Variants in CELF4 observed in about 807,000 individuals in gnomAD.
The protein encoded by CELF4 is CUG-BP- and ETR-3-like factor 4.
CELF4 carries 18 observed loss-of-function variants against 59.9 expected under a neutral mutation model. The ratio of observed to expected loss-of-function variants is 0.30; its 90% CI spans 0.21 to 0.45. The LOEUF (loss-of-function observed/expected upper bound fraction) is 0.45, where lower values mean the gene tolerates loss of function less well. CELF4 is among the 20% of genes least tolerant of loss of function. The probability of loss-of-function intolerance (pLI) is 1.00; values close to 1 mark genes in which losing one functional copy is unlikely to be tolerated. For missense variants in CELF4, 456 were observed against 689.0 expected (o/e 0.66, Z 3.79); for synonymous variants, 261 against 267.1 (o/e 0.98, Z 0.22).
intron 2 of CELF4, among the ~76,000 whole-genome samples, chr18:37,433,089 G>A (rs1430013658): frequency 6.6e-6 from 1 of 152,216 alleles, no homozygotes; most frequent in Non-Finnish European, 1.5e-5. Context: ...GTGAGGGAAA[G>A]TGTGGCTAGG....
At chr18:37,470,891 A>ATGTGTGTGTGT (rs1491153845) in intron 2 of CELF4, among the ~76,000 whole-genome samples, 12 of 25,970 alleles carry the variant, frequency 4.6e-4, no homozygotes, top group African/African-American at 1.3e-3. Flanking sequence ...TGTGTGTGAC[A>ATGTGTGTGTGT]GAGAGAGAGA....
intron 1 of CELF4, among the ~76,000 whole-genome samples, chr18:37,531,694 G>T (rs927277562): frequency 6.6e-6 from 1 of 152,190 alleles, no homozygotes. Flanking sequence ...GGGAATGGAG[G>T]ATTTCCATCA....
chr18:37,308,749 G>C (rs564715663), intron 3 of CELF4, among the ~76,000 whole-genome samples: 1 of 139,260 alleles, frequency 7.2e-6, no homozygotes, highest in South Asian at 2.6e-4. Context: ...TGTCTAGGAC[G>C]TTGGGATCAT....
intron 2 of CELF4, among the ~76,000 whole-genome samples, chr18:37,335,180 C>T (rs550062558): frequency 9.9e-5 from 15 of 152,194 alleles, no homozygotes; most frequent in African/African-American, 3.4e-4. Flanking sequence ...AGCCGCGCAC[C>T]GCCATCAATT....
In CELF4 at chr18:37,284,505, G is replaced by C. The variant is rs535704868; in HGVS notation, c.449-9262C>G. On this transcript the variant is annotated intron_variant, in intron 3 of 12. Transcript: ENST00000420428. ...TGGCTCCCTCTGGTTCCTCATCCACGGCACCCATGGCTGCTCCTGTGGCCC... is the reference window on the plus strand; with the variant it reads ...TGGCTCCCTCTGGTTCCTCATCCACCGCACCCATGGCTGCTCCTGTGGCCC... Among the ~76,000 whole-genome samples, 5 of 151,756 alleles carry C rather than the reference G, an allele frequency of 3.3e-5. No homozygotes were observed. In the South Asian group the frequency reaches 1.0e-3, roughly 32 times the overall value.
At chr18:37,365,386 C>A (rs764570600) in intron 2 of CELF4, among the ~76,000 whole-genome samples, 20 of 151,760 alleles carry the variant, frequency 1.3e-4, no homozygotes, top group South Asian at 4.2e-4. Context: ...TCGCCCACCC[C>A]CTGTGAATTG....
intron 3 of CELF4, among the ~76,000 whole-genome samples, chr18:37,282,092 G>A (rs933542491): frequency 6.6e-6 from 1 of 152,188 alleles, no homozygotes; most frequent in Admixed American, 6.5e-5. Context: ...AATTAAATGA[G>A]GTTTTTAGCA....
intron 12 of CELF4, among the ~76,000 whole-genome samples, chr18:37,249,985 T>C (rs1217564256): frequency 6.6e-6 from 1 of 152,114 alleles, no homozygotes; most frequent in African/African-American, 2.4e-5. Context: ...CAGGACAAGA[T>C]GCTTGGTGCA....
chr18:37,413,569 C>T (rs1306174103), intron 2 of CELF4, among the ~76,000 whole-genome samples: 1 of 152,212 alleles, frequency 6.6e-6, no homozygotes, highest in Non-Finnish European at 1.5e-5. Flanking sequence ...GCCTGTTCTA[C>T]AGTTCCTCTT....
At position 37,319,324 on chromosome 18, in the gene CELF4, G is replaced by A. The variant is rs141349496; in HGVS notation, c.448+2479C>T. On this transcript the variant is annotated intron_variant, in intron 3 of 12. Transcript: ENST00000420428. ...GGCTTCGCTCACGTGGGCCCCTCAC[G>A]CCTGAAGCATCTCTAACCCTCAACC... Among the ~76,000 whole-genome samples, 5 of 152,336 alleles carry A rather than the reference G, an allele frequency of 3.3e-5. No individual in the cohort carries two copies. The East Asian group carries it at 7.7e-4, about 24-fold the overall frequency.
chr18:37,333,041 G>A (rs568970471), intron 2 of CELF4, among the ~76,000 whole-genome samples: 3 of 152,224 alleles, frequency 2.0e-5, no homozygotes, highest in Non-Finnish European at 2.9e-5. Flanking sequence ...TCTTCAGGGT[G>A]GGGGAGTGAG....
intron 3 of CELF4, among the ~76,000 whole-genome samples, chr18:37,303,643 G>A (rs2154465314): frequency 6.6e-6 from 1 of 152,260 alleles, no homozygotes; most frequent in South Asian, 2.1e-4. Flanking sequence ...GCCACGTCTT[G>A]GTCACTGCTG....
chr18:37,304,504 G>A (rs1391106036), intron 3 of CELF4, among the ~76,000 whole-genome samples: 1 of 152,244 alleles, frequency 6.6e-6, no homozygotes, highest in Non-Finnish European at 1.5e-5. Context: ...TGCAGGAGGT[G>A]TGTGGGGCAT....
chr18:37,259,313 G>T, intron 10 of CELF4, 49 bp from the exon 11 acceptor site: 1 of 775,906 alleles, frequency 1.3e-6, no homozygotes, highest in Non-Finnish European at 2.0e-6. Flanking sequence ...GGCAGGGTGG[G>T]GGAAGAGAGA....
intron 1 of CELF4, among the ~76,000 whole-genome samples, chr18:37,563,784 A>T (rs957352110): frequency 6.6e-6 from 1 of 152,088 alleles, no homozygotes; most frequent in Non-Finnish European, 1.5e-5. Flanking sequence ...GTGTTACTCA[A>T]CATGCCATTA....
intron 3 of CELF4, among the ~76,000 whole-genome samples, chr18:37,282,515 C>T (rs1274235669): frequency 2.6e-5 from 4 of 152,172 alleles, no homozygotes; most frequent in Non-Finnish European, 5.9e-5. Flanking sequence ...CTGACCACTC[C>T]ACCCCAAAAC....
At chr18:37,431,515 C>A (rs1048484187) in intron 2 of CELF4, among the ~76,000 whole-genome samples, 15 of 151,842 alleles carry the variant, frequency 9.9e-5, no homozygotes, top group Non-Finnish European at 1.6e-4. Context: ...CTACAGGCGC[C>A]CGCCACCACG....
At chr18:37,421,719 C>T (rs531394983) in intron 2 of CELF4, among the ~76,000 whole-genome samples, 35 of 152,344 alleles carry the variant, frequency 2.3e-4, no homozygotes, top group African/African-American at 8.4e-4. Flanking sequence ...TGACTGAGTT[C>T]GGTCATTGCT....
At chr18:37,421,711 A>G (rs562257397) in intron 2 of CELF4, among the ~76,000 whole-genome samples, 78 of 152,362 alleles carry the variant, frequency 5.1e-4, no homozygotes, top group African/African-American at 1.8e-3. Flanking sequence ...CTTGAGGGTG[A>G]CTGAGTTCGG....
Sources: allele counts gnomAD v4.1 joint callset (sites outside exome capture counted in the v4.1 genomes callset), GRCh38; gene constraint gnomAD v4.1.1; transcripts MANE v1.5; gene names NCBI Gene and HGNC (gene_info 2026-07-23, HGNC 2026-07-21).